The following SLC6A12 variants were observed in gnomAD, a reference collection of about 807,000 sequenced individuals.
The protein encoded by SLC6A12 is solute carrier family 6 member 12.
A neutral mutation model predicts 73.3 loss-of-function variants in SLC6A12; 50 were observed. The ratio of observed to expected loss-of-function variants is 0.68; its 90% CI spans 0.54 to 0.86. The LOEUF (loss-of-function observed/expected upper bound fraction) is 0.86, where lower values mean the gene tolerates loss of function less well. SLC6A12 is among the 40% of genes least tolerant of loss of function. SLC6A12 has a pLI of 0.00. For missense variants in SLC6A12, 648 were observed against 772.8 expected, an observed-to-expected ratio of 0.84 and a Z score of 1.92; for synonymous variants, 304 against 309.2, an observed-to-expected ratio of 0.98 and a Z score of 0.18.
chr12:187,116 G>A (rs1161479378), downstream of SLC6A12, among the ~76,000 whole-genome samples: 21 of 152,210 alleles, frequency 1.4e-4, no homozygotes, highest in Admixed American at 1.4e-3. Context: ...GGCTTCTGCT[G>A]CAAAAATCAA....
chr12:199,788 A>G (rs1216087863), intron 7 of SLC6A12: 1 of 152,022 alleles, frequency 6.6e-6, no homozygotes, highest in East Asian at 1.9e-4. Context: ...TGTCTATGTG[A>G]CAAGCCCATT....
At chr12:209,538 G>A (rs1208772461) in intron 3 of SLC6A12, among the ~76,000 whole-genome samples, 1 of 152,200 alleles carries the variant, frequency 6.6e-6, no homozygotes, top group Non-Finnish European at 1.5e-5. Flanking sequence ...AGAATTTCTT[G>A]GTCCTGCCCA....
At chr12:188,102 C>T (rs999006080), downstream of SLC6A12, among the ~76,000 whole-genome samples, 25 of 152,344 alleles carry the variant, frequency 1.6e-4, no homozygotes, top group African/African-American at 5.5e-4. Context: ...CCTCCCAGTC[C>T]GGTTCCGTGC....
chr12:200,789 G>A lies in SLC6A12; in HGVS notation c.579-6C>T, dbSNP rs35653444. The stretch of plus-strand genomic sequence containing the variant: ...TGATGCCCAGAACTCGTCTCCTGGA[G>A]GATTGGGAAAAATAAGTAATGAGGG... On this transcript the variant is annotated splice_polypyrimidine_tract_variant and splice_region_variant and intron_variant, in intron 6 of 15. Coordinates refer to ENST00000684302, the MANE Select transcript of SLC6A12 (RefSeq NM_001122848.3). 0.052 allele frequency: 83,156 copies of A among 1,612,056 alleles called. 2,853 individuals are homozygous for A. The highest frequency in any genetic ancestry group is 0.13 in the Admixed American group (7,543 of 59,672).
chr12:195,247 C>A lies in SLC6A12; in HGVS notation c.1407G>T (p.Val469=). 1 of 1,612,068 alleles carries A rather than the reference C, an allele frequency of 6.2e-7. No homozygotes were observed. The highest frequency in any genetic ancestry group is 8.5e-7 in the Non-Finnish European group (1 of 1,178,060). The change falls in exon 13 of 16, where the codon GTG becomes GTT. Residue 469 remains valine (V), a synonymous_variant. Coordinates refer to ENST00000684302, the MANE Select transcript of SLC6A12 (RefSeq NM_001122848.3). The stretch of plus-strand genomic sequence containing the variant: ...CACCATACACCCAGCTTATGCAGAC[C>A]ACTTCAAACAATGACAGGAACAGCA... ...ICLLFLSLFE[V]VCISWVYGAD...
chr12:197,784 G>T, intron 9 of SLC6A12, 116 bp downstream of exon 9: 2 of 744,298 alleles, frequency 2.7e-6, no homozygotes, highest in African/African-American at 1.8e-5. Flanking sequence ...AGTTCAGTCT[G>T]ATACAACGTA....
Position 198,692 on chromosome 12 carries a change from T to TTTATTGC in SLC6A12, c.846+98_846+104dup. On this transcript the variant is annotated intron_variant, in intron 8 of 15. Coordinates refer to ENST00000684302, the MANE Select transcript of SLC6A12 (RefSeq NM_001122848.3). This position sits in a 1 kb window ranked among gnomAD's most constrained non-coding sequence, Gnocchi z 4.0. ...TTTTCTAATTTATCTCCAGTGGGCA[T>TTTATTGC]TTATTGCTTTTAAACCAAGGAAAAA... 1 of 949,390 alleles carries TTTATTGC rather than the reference T, an allele frequency of 1.1e-6. No individual in the cohort carries two copies. The highest frequency in any genetic ancestry group is 1.6e-6 in the Non-Finnish European group (1 of 644,758). The allele number at this position is 949,390 out of a possible 1,614,324, so 58.8% of individuals were successfully genotyped here.
downstream of SLC6A12, among the ~76,000 whole-genome samples, chr12:187,689 G>A (rs901083936): frequency 1.4e-5 from 2 of 144,406 alleles, no homozygotes; most frequent in South Asian, 4.5e-4. Flanking sequence ...TTACCACTAG[G>A]GCCTCCGGCA....
chr12:197,118 C>CATCTATCCATCT (rs1565468964), intron 10 of SLC6A12, among the ~76,000 whole-genome samples: 5 of 68,170 alleles, frequency 7.3e-5, no homozygotes, highest in African/African-American at 2.9e-4. Flanking sequence ...TCCATCCATC[C>CATCTATCCATCT]ATCCATCCAT....
intron 14 of SLC6A12, 137 bp downstream of exon 14, chr12:193,138 CAT>C: frequency 3.0e-6 from 2 of 674,478 alleles, no homozygotes; most frequent in South Asian, 3.5e-5. Context: ...GGGAAGGCAA[CAT>C]AGAACAGGAA....
chr12:186,054 T>A (rs1484681951), downstream of SLC6A12, among the ~76,000 whole-genome samples: 1 of 152,018 alleles, frequency 6.6e-6, no homozygotes, highest in Non-Finnish European at 1.5e-5. Flanking sequence ...AAGGACAGGG[T>A]GAGCCCAGGG....
intron 10 of SLC6A12, 24 bp downstream of exon 10, chr12:197,353 C>G: frequency 6.2e-7 from 1 of 1,607,038 alleles, no homozygotes; most frequent in South Asian, 1.1e-5. Context: ...CCCCTCAGGC[C>G]CCAGACAGCA....
intron 14 of SLC6A12, among the ~76,000 whole-genome samples, 193 bp from the exon 15 acceptor site, chr12:192,841 AGGAAGGGAGGG>A: frequency 6.7e-6 from 1 of 150,064 alleles, no homozygotes; most frequent in African/African-American, 2.5e-5. Flanking sequence ...GGCGATACAA[AGGAAGGGAGGG>A]GCTCGGAAGA....
chr12:187,204 G>A (rs1037752637), downstream of SLC6A12, among the ~76,000 whole-genome samples: 1 of 152,116 alleles, frequency 6.6e-6, no homozygotes, highest in Non-Finnish European at 1.5e-5. Context: ...AAACACCAAA[G>A]GAAACGAGAT....
intron 3 of SLC6A12, among the ~76,000 whole-genome samples, chr12:208,841 C>A (rs548829187): frequency 1.0e-3 from 158 of 152,254 alleles, no homozygotes; most frequent in Non-Finnish European, 1.8e-3. Flanking sequence ...AAGGAACTGG[C>A]CCCTCCCCAC....
At chr12:187,546 T>TAGACCCAA (rs1306528440), downstream of SLC6A12, among the ~76,000 whole-genome samples, 1 of 121,952 alleles carries the variant, frequency 8.2e-6, no homozygotes, top group East Asian at 2.4e-4. Context: ...AAAGGCAGAG[T>TAGACCCAA]AGACCCAAAC....
At chr12:184,007 A>C in the SLC6A12 span, among the ~76,000 whole-genome samples, 1 of 152,186 alleles carries the variant, frequency 6.6e-6, no homozygotes, top group Non-Finnish European at 1.5e-5. Context: ...TATGAGAAAA[A>C]GAAGACTACC....
intron 9 of SLC6A12, 31 bp from the exon 10 acceptor site, chr12:197,532 C>T (rs372579611): frequency 1.7e-5 from 27 of 1,597,412 alleles, no homozygotes; most frequent in Non-Finnish European, 2.0e-5. Context: ...CAGACAGGAA[C>T]GGGGAGGAAA....
At chr12:205,411 T>C (rs1940579851) in intron 3 of SLC6A12, among the ~76,000 whole-genome samples, 2 of 152,236 alleles carry the variant, frequency 1.3e-5, no homozygotes, top group Admixed American at 1.3e-4. Context: ...TGGTGCCTAC[T>C]TCATGTCAGG....
Sources: allele counts gnomAD v4.1 joint callset (sites outside exome capture counted in the v4.1 genomes callset), GRCh38; gene constraint gnomAD v4.1.1; non-coding constraint Gnocchi (gnomAD v3.1); transcripts MANE v1.5; gene names NCBI Gene and HGNC (gene_info 2026-07-23, HGNC 2026-07-21).